The following ATP10B variants were observed in gnomAD, a reference collection of about 807,000 sequenced individuals.
ATP10B encodes the protein ATPase phospholipid transporting 10B (putative).
Under a neutral mutation model 141.2 loss-of-function variants are expected in ATP10B, and 122 were observed. The ratio of observed to expected loss-of-function variants is 0.86; its 90% CI spans 0.75 to 1.00. The LOEUF is 1.00. Ranked by LOEUF, ATP10B falls within the 50% of genes least tolerant of loss-of-function variation. The pLI is 0.00. For synonymous variants in ATP10B, 685 were observed against 692.0 expected, an observed-to-expected ratio of 0.99 and a Z score of 0.16; for missense variants, 1,876 against 1,825.3, an observed-to-expected ratio of 1.03 and a Z score of -0.51.
intron 6 of ATP10B, among the ~76,000 whole-genome samples, chr5:160,674,068 G>A (rs1581329306): frequency 6.6e-6 from 1 of 152,030 alleles, no homozygotes. Flanking sequence ...GGGATGTGGG[G>A]TATCAGTTGA....
intron 3 of ATP10B, among the ~76,000 whole-genome samples, chr5:160,693,482 G>A (rs1764197701): frequency 6.6e-6 from 1 of 150,802 alleles, no homozygotes; most frequent in Non-Finnish European, 1.5e-5. Flanking sequence ...AAGGGCTCGT[G>A]GGAAAAGGAA....
At chr5:160,755,832 AAAAAAAATATATATATATATATAT>A (rs1333274868) in intron 2 of ATP10B, among the ~76,000 whole-genome samples, 5 of 68,716 alleles carry the variant, frequency 7.3e-5, no homozygotes, top group African/African-American at 4.1e-4. Flanking sequence ...AAAAAAAAAA[AAAAAAAATATATATATATATATAT>A]ATATATATAT....
chr5:160,701,401 G>C (rs1449797795), intron 3 of ATP10B, among the ~76,000 whole-genome samples: 1 of 152,098 alleles, frequency 6.6e-6, no homozygotes, highest in Non-Finnish European at 1.5e-5. Flanking sequence ...ATCATTACCA[G>C]CATGCTGTAA....
chr5:160,572,983 C>T (rs1186831094), intron 24 of ATP10B, among the ~76,000 whole-genome samples: 2 of 152,188 alleles, frequency 1.3e-5, no homozygotes, highest in East Asian at 1.9e-4. Flanking sequence ...GTTTCATACA[C>T]GTGTACATGT....
intron 1 of ATP10B, among the ~76,000 whole-genome samples, chr5:160,817,480 G>T (rs548014374): frequency 6.6e-5 from 10 of 151,944 alleles, no homozygotes; most frequent in South Asian, 2.1e-4. Context: ...TACAAACCAC[G>T]GCTCAATGAA....
chr5:160,845,806 G>A (rs1190910105), intron 1 of ATP10B, among the ~76,000 whole-genome samples: 1 of 151,766 alleles, frequency 6.6e-6, no homozygotes, highest in Non-Finnish European at 1.5e-5. Context: ...TAATTCTCTA[G>A]TGCTTCAAAT....
chr5:160,604,065 C>T (rs1390082703), intron 19 of ATP10B, 24 bp from the exon 20 acceptor site: 1 of 1,606,150 alleles, frequency 6.2e-7, no homozygotes, highest in Non-Finnish European at 8.5e-7. Context: ...CATAACGTGT[C>T]TTTATTTTTG....
At chr5:160,632,446 G>C in intron 12 of ATP10B, 79 bp from the exon 13 acceptor site, 1 of 1,370,830 alleles carries the variant, frequency 7.3e-7, no homozygotes, top group Non-Finnish European at 1.0e-6. Flanking sequence ...CTTTGTGTGG[G>C]GGGTGGTAAG....
intron 1 of ATP10B, 93 bp from the exon 2 acceptor site, chr5:160,785,896 G>A (rs1771111392): frequency 7.8e-6 from 2 of 257,740 alleles, no homozygotes; most frequent in Non-Finnish European, 1.5e-5. Context: ...CTCTTTAACT[G>A]GATGGCTTTA....
chr5:160,749,463 C>G (rs986997908), intron 2 of ATP10B, among the ~76,000 whole-genome samples: 2 of 152,168 alleles, frequency 1.3e-5, no homozygotes, highest in Non-Finnish European at 2.9e-5. Flanking sequence ...AAACCCAACA[C>G]CTGTTCCAGT....
At chr5:160,597,213 C>T (rs1038549193) in intron 22 of ATP10B, among the ~76,000 whole-genome samples, 3 of 152,180 alleles carry the variant, frequency 2.0e-5, no homozygotes, top group African/African-American at 7.2e-5. Flanking sequence ...ATCAATGGAA[C>T]AGAACAAAGC....
At chr5:160,755,294 C>T (rs923525838) in intron 2 of ATP10B, among the ~76,000 whole-genome samples, 1 of 152,100 alleles carries the variant, frequency 6.6e-6, no homozygotes, top group African/African-American at 2.4e-5. Context: ...GAAATATCCG[C>T]CCCATGATCC....
chr5:160,652,456 T>C (rs1164721275), intron 7 of ATP10B, among the ~76,000 whole-genome samples: 5 of 142,104 alleles, frequency 3.5e-5, no homozygotes, highest in African/African-American at 1.1e-4. Context: ...TTTATTTATT[T>C]ATTTATTTAT....
chr5:160,670,492 T>C lies in ATP10B; in HGVS notation c.646A>G (p.Arg216Gly). Residue 216 changes from arginine (R) to glycine (G), a missense_variant, in exon 7 of 26, where the codon AGA becomes GGA. Transcript: ENST00000327245. ...SLDGETNLKQ[R>G]CVVKGFSQQE... is the part of the protein sequence containing the mutation. ...TGTGAGAAGCCCTTCACGACACATC[T>C]TTGCTTGAGGTTTGTCTCTCCATCC... The C allele has an allele frequency of 6.2e-7, 1 of 1,614,022 alleles. No individual in the cohort carries two copies. The highest frequency in any genetic ancestry group is 1.6e-4 in the Middle Eastern group (1 of 6,062).
At chr5:160,619,712 A>C (rs1190946406) in intron 15 of ATP10B, among the ~76,000 whole-genome samples, 1 of 152,172 alleles carries the variant, frequency 6.6e-6, no homozygotes, top group East Asian at 1.9e-4. Flanking sequence ...TGCTGTTCCA[A>C]AATTGGACAC....
chr5:160,855,473 TTTTG>T (rs1462652927), upstream of ATP10B, among the ~76,000 whole-genome samples: 23 of 151,624 alleles, frequency 1.5e-4, no homozygotes, highest in African/African-American at 4.4e-4. Context: ...TTTAATTAAT[TTTTG>T]TTTGTTTTTT....
At chr5:160,883,330 A>T in the ATP10B span, among the ~76,000 whole-genome samples, 1 of 152,326 alleles carries the variant, frequency 6.6e-6, no homozygotes, top group East Asian at 1.9e-4. Context: ...AATTATAGCA[A>T]AAAAGACCTG....
At chr5:160,873,087 G>T in the ATP10B span, among the ~76,000 whole-genome samples, 5 of 139,162 alleles carry the variant, frequency 3.6e-5, no homozygotes, top group African/African-American at 5.2e-5. Flanking sequence ...GCGGTCTTTT[G>T]TCTCTTTGGT....
At chr5:160,757,524 T>C (rs1281666500) in intron 2 of ATP10B, among the ~76,000 whole-genome samples, 1 of 152,194 alleles carries the variant, frequency 6.6e-6, no homozygotes, top group Non-Finnish European at 1.5e-5. Context: ...ATTGAAAGAT[T>C]AGACATGATA....
Sources: gnomAD v4.1 joint callset for allele counts (sites outside exome capture counted in the v4.1 genomes callset) on GRCh38, gnomAD v4.1.1 for gene constraint, MANE v1.5 for transcripts, NCBI Gene and HGNC (gene_info 2026-07-23, HGNC 2026-07-21) for gene names.